TANC1: variants seen among roughly 807,000 people sequenced by gnomAD.
TANC1 encodes tetratricopeptide repeat, ankyrin repeat and coiled-coil containing 1, also known as protein TANC1.
TANC1 carries 77 observed loss-of-function variants against 149.7 expected under a neutral mutation model. The ratio of observed to expected loss-of-function variants is 0.51; its 90% CI spans 0.43 to 0.62. The LOEUF is 0.62. Among genes scored for constraint, TANC1 ranks in the 20% least tolerant of loss-of-function variants. The pLI, the probability that TANC1 is intolerant of heterozygous loss-of-function variation, is 0.00. For missense variants in TANC1, 1,985 were observed against 2,321.8 expected (o/e 0.85, Z 2.98); for synonymous variants, 854 against 925.0 (o/e 0.92, Z 1.39).
At chr2:159,148,352 A>T (rs2052373924) in intron 5 of TANC1, 1 of 152,246 alleles carries the variant, frequency 6.6e-6, no homozygotes, top group Admixed American at 6.5e-5. Flanking sequence ...ACTACAGCTC[A>T]ACATTTAAAT....
At chr2:158,996,374 T>C (rs1402020684) in intron 1 of TANC1, among the ~76,000 whole-genome samples, 1 of 152,194 alleles carries the variant, frequency 6.6e-6, no homozygotes, top group African/African-American at 2.4e-5. Flanking sequence ...AAAACAAAAC[T>C]TGGTATATGC....
chr2:159,101,291 C>A (rs2046673327), intron 4 of TANC1, among the ~76,000 whole-genome samples: 1 of 152,156 alleles, frequency 6.6e-6, no homozygotes, highest in Non-Finnish European at 1.5e-5. Context: ...ATACTACAAA[C>A]CCCTGTAAGA....
At chr2:159,111,911 T>C (rs1031030457) in intron 4 of TANC1, among the ~76,000 whole-genome samples, 4 of 152,214 alleles carry the variant, frequency 2.6e-5, no homozygotes, top group African/African-American at 7.2e-5. Context: ...CAGAAAAATA[T>C]ATGCCCATTG....
At chr2:159,025,174 CTTTCT>C (rs1176894395) in intron 2 of TANC1, among the ~76,000 whole-genome samples, 1 of 146,338 alleles carries the variant, frequency 6.8e-6, no homozygotes, top group Non-Finnish European at 1.5e-5. Flanking sequence ...TTCTTTCTTT[CTTTCT>C]TTTTCTTTCT....
At chr2:159,190,750 C>A (rs2057379535) in intron 16 of TANC1, among the ~76,000 whole-genome samples, 1 of 152,106 alleles carries the variant, frequency 6.6e-6, no homozygotes, top group Non-Finnish European at 1.5e-5. Flanking sequence ...CTCAGTTTCA[C>A]CATATTGGCC....
chr2:158,969,163 C>T (rs2032436545), intron 1 of TANC1, among the ~76,000 whole-genome samples: 1 of 152,192 alleles, frequency 6.6e-6, no homozygotes, highest in African/African-American at 2.4e-5. Context: ...CCCCCTTTCC[C>T]GCCTTCTCTG....
At chr2:159,009,383 T>C (rs773930906) in intron 2 of TANC1, among the ~76,000 whole-genome samples, 4 of 152,196 alleles carry the variant, frequency 2.6e-5, no homozygotes, top group Non-Finnish European at 4.4e-5. Context: ...AGCAGATGAA[T>C]AGAATGTAAT....
At chr2:159,224,486 C>A in intron 23 of TANC1, 122 bp downstream of exon 23, 3 of 1,138,986 alleles carry the variant, frequency 2.6e-6, no homozygotes, top group South Asian at 1.4e-5. Flanking sequence ...GTTTGCAGAT[C>A]TCTGTCTCAG....
chr2:159,020,157 G>T (rs1241065519), intron 2 of TANC1, among the ~76,000 whole-genome samples: 1 of 151,770 alleles, frequency 6.6e-6, no homozygotes, highest in African/African-American at 2.4e-5. Context: ...TCGTTCTATC[G>T]GCTAGGCTGG....
chr2:159,202,310 G>A (rs958374259), intron 19 of TANC1, among the ~76,000 whole-genome samples: 2 of 152,162 alleles, frequency 1.3e-5, no homozygotes, highest in Non-Finnish European at 2.9e-5. Context: ...AAGGAGACAA[G>A]AAAATGTACA....
chr2:159,040,959 T>C lies in TANC1; in HGVS notation c.-15-24937T>C, dbSNP rs573854821. ...GATGGGGTTTTGGTGTGGATGTCCT[T>C]TTTGTTGATGTTGATGCTATTCCTT... On this transcript the variant is annotated intron_variant, in intron 2 of 26. Transcript: ENST00000263635. Among the ~76,000 whole-genome samples the C allele has an allele frequency of 9.4e-4, 143 of 152,322 alleles. 6 individuals are homozygous for C. The South Asian group carries it at 0.029, about 31-fold the overall frequency.
intron 3 of TANC1, among the ~76,000 whole-genome samples, chr2:159,085,693 C>T (rs1303788727): frequency 6.6e-6 from 1 of 152,106 alleles, no homozygotes; most frequent in African/African-American, 2.4e-5. Context: ...GTGCCAGGCT[C>T]TTTTTAATAA....
At chr2:159,110,370 G>GTAGTACAGT (rs2047603888) in intron 4 of TANC1, among the ~76,000 whole-genome samples, 1 of 152,242 alleles carries the variant, frequency 6.6e-6, no homozygotes, top group Non-Finnish European at 1.5e-5. Context: ...ACAGTGAGTA[G>GTAGTACAGT]GCACTGTCCT....
At chr2:159,190,975 T>C (rs2057397901) in intron 16 of TANC1, among the ~76,000 whole-genome samples, 1 of 152,240 alleles carries the variant, frequency 6.6e-6, no homozygotes, top group East Asian at 1.9e-4. Flanking sequence ...TGGGGATTAA[T>C]TAAGTCATTT....
intron 1 of TANC1, among the ~76,000 whole-genome samples, chr2:158,972,106 A>C (rs879745068): frequency 4.6e-4 from 70 of 152,236 alleles, no homozygotes; most frequent in Non-Finnish European, 1.0e-4. Flanking sequence ...AGAGAGTTTC[A>C]GAAAGTCACA....
intron 4 of TANC1, among the ~76,000 whole-genome samples, chr2:159,116,457 A>AAC (rs1559289058): frequency 4.4e-4 from 43 of 98,180 alleles, no homozygotes; most frequent in South Asian, 2.4e-3. Flanking sequence ...ACAACAACAA[A>AAC]AAAAAAAAAA....
chr2:159,159,717 TGAGAGAGAGAGAGAGAGAGAGAGAGA>T (rs56101796), intron 7 of TANC1, among the ~76,000 whole-genome samples: 7 of 114,920 alleles, frequency 6.1e-5, no homozygotes, highest in East Asian at 2.6e-4. Context: ...TGTGTGTGTG[TGAGAGAGAGAGAGAGAGAGAGAGAGA>T]GAGAGAGAGA....
chr2:158,970,831 C>T (rs1212062657), intron 1 of TANC1, among the ~76,000 whole-genome samples: 1 of 152,144 alleles, frequency 6.6e-6, no homozygotes, highest in Non-Finnish European at 1.5e-5. Context: ...TTTTATGACC[C>T]TGTCTTGCAC....
At chr2:159,140,952 A>T (rs2051306128) in intron 5 of TANC1, among the ~76,000 whole-genome samples, 1 of 152,030 alleles carries the variant, frequency 6.6e-6, no homozygotes, top group African/African-American at 2.4e-5. Flanking sequence ...TGGCCTCCCA[A>T]AGTGCCAGGA....
Sources: gnomAD v4.1 joint callset for allele counts (sites outside exome capture counted in the v4.1 genomes callset) on GRCh38, gnomAD v4.1.1 for gene constraint, MANE v1.5 for transcripts, NCBI Gene and HGNC (gene_info 2026-07-23, HGNC 2026-07-21) for gene names.